The following SLC20A2 variants were observed in gnomAD, a reference collection of about 807,000 sequenced individuals.
SLC20A2 encodes sodium-dependent phosphate transporter 2.
A neutral mutation model predicts 61.0 loss-of-function variants in SLC20A2; 30 were observed. The ratio of observed to expected loss-of-function variants is 0.49; its 90% CI spans 0.37 to 0.67. The LOEUF is 0.67. SLC20A2 is among the 30% of genes least tolerant of loss of function. The pLI, the probability that SLC20A2 is intolerant of heterozygous loss-of-function variation, is 0.00. For missense variants in SLC20A2, 626 were observed against 866.4 expected, an observed-to-expected ratio of 0.72 and a Z score of 3.48; for synonymous variants, 351 against 353.3, an observed-to-expected ratio of 0.99 and a Z score of 0.07.
chr8:42,485,378 A>T (rs896334456), intron 1 of SLC20A2, among the ~76,000 whole-genome samples: 1 of 152,088 alleles, frequency 6.6e-6, no homozygotes, highest in South Asian at 2.1e-4. Context: ...GCGGTGGCTC[A>T]CGCCTGTAAT....
At chr8:42,456,224 G>A (rs1046311296) in intron 5 of SLC20A2, among the ~76,000 whole-genome samples, 3 of 152,156 alleles carry the variant, frequency 2.0e-5, no homozygotes, top group Admixed American at 2.0e-4. Context: ...GAAGAACCAG[G>A]AAGCAAGAAG....
Position 42,522,314 on chromosome 8 carries a change from A to C in SLC20A2, c.-265+19507T>G, listed in dbSNP as rs966986202. Among the ~76,000 whole-genome samples, 74 of 122,342 alleles carry C rather than the reference A, an allele frequency of 6.0e-4. 9 individuals carry two copies. The highest frequency in any genetic ancestry group is 1.6e-3 in the African/African-American group (65 of 39,748). 80.3% of individuals were successfully genotyped at this position (122,342 alleles called of 152,430 possible). On this transcript the variant is annotated intron_variant, in intron 1 of 10. Transcript: ENST00000342228. ...ATGGAGAAGACAAGAAATTCATTCA[A>C]CTTCAGCTGGTAAATAGCCAAGGTG... is the stretch of plus-strand genomic sequence containing the variant.
At chr8:42,528,907 T>TC (rs1473477701) in intron 1 of SLC20A2, among the ~76,000 whole-genome samples, 6 of 151,882 alleles carry the variant, frequency 4.0e-5, no homozygotes, top group South Asian at 2.1e-4. Flanking sequence ...TCTCGGGTGA[T>TC]CCCCCCGCCT....
chr8:42,445,203 A>AT (rs1805117050), intron 5 of SLC20A2, among the ~76,000 whole-genome samples: 1 of 152,072 alleles, frequency 6.6e-6, no homozygotes, highest in African/African-American at 2.4e-5. Flanking sequence ...GAGGCGGGAG[A>AT]TTCGTTCGAA....
intron 1 of SLC20A2, among the ~76,000 whole-genome samples, chr8:42,536,180 T>G (rs779556065): frequency 4.6e-5 from 7 of 152,234 alleles, no homozygotes; most frequent in Non-Finnish European, 8.8e-5. Context: ...CAATATTCAT[T>G]ATTACAAGTT....
At chr8:42,483,611 A>C (rs1250010082) in intron 1 of SLC20A2, among the ~76,000 whole-genome samples, 1 of 152,228 alleles carries the variant, frequency 6.6e-6, no homozygotes, top group East Asian at 1.9e-4. Flanking sequence ...AAGACTCTTC[A>C]ACATTTTCTC....
chr8:42,468,808 G>C (rs1317456330), intron 2 of SLC20A2, among the ~76,000 whole-genome samples: 1 of 152,154 alleles, frequency 6.6e-6, no homozygotes, highest in Non-Finnish European at 1.5e-5. Flanking sequence ...TGCTTCTTAA[G>C]GGTTTCGAGG....
At chr8:42,505,593 C>A (rs1810632539), upstream of SLC20A2, among the ~76,000 whole-genome samples, 1 of 152,114 alleles carries the variant, frequency 6.6e-6, no homozygotes, top group African/African-American at 2.4e-5. Context: ...CTGGAAATAG[C>A]AGTGAAGTTT....
rs375338138 is a variant in SLC20A2 at position 42,459,906 on chromosome 8, T to C, written c.603A>G (p.Thr201=). The change falls in exon 5 of 11, where the codon ACA becomes ACG. Residue 201 remains threonine, a synonymous_variant. Coordinates refer to ENST00000520262, the MANE Select transcript of SLC20A2 (RefSeq NM_001257180.2). ...CCAAGGGATCCTTACCTGGTGCTCC[T>C]GTGTACATGATGGAAAAGACATTGA... ...IAINVFSIMY[T]GAPVLGLVLP... The C allele has an allele frequency of 1.2e-6, 2 of 1,611,164 alleles. No homozygotes were observed. Among genetic ancestry groups the C allele is most frequent in the Non-Finnish European group, 1.7e-6 (2 of 1,177,932 alleles).
intron 2 of SLC20A2, among the ~76,000 whole-genome samples, chr8:42,471,728 C>T (rs1467627233): frequency 1.3e-5 from 2 of 152,138 alleles, no homozygotes; most frequent in Non-Finnish European, 2.9e-5. Context: ...TCTAAATCAA[C>T]CTTCCTGGAA....
At position 42,417,653 on chromosome 8, in the gene SLC20A2, T is replaced by C; in HGVS notation, c.*150A>G. The C allele has an allele frequency of 1.3e-6, 1 of 748,184 alleles. No individual in the cohort carries two copies. Among genetic ancestry groups the C allele is most frequent in the South Asian group, 1.8e-5 (1 of 55,530 alleles). 46.3% of individuals were successfully genotyped at this position (748,184 alleles called of 1,614,324 possible). On this transcript the variant is annotated 3_prime_UTR_variant, in exon 11 of 11. Transcript: ENST00000520262. ...GTCTCCGCAGCCTGGGTGAACAGTG[T>C]GGGATGGAGCCTCCTGGAAGGGAGG...
At chr8:42,523,522 A>AC (rs772675896) in intron 1 of SLC20A2, among the ~76,000 whole-genome samples, 18 of 152,296 alleles carry the variant, frequency 1.2e-4, no homozygotes, top group Non-Finnish European at 2.2e-4. Context: ...ATCAAGTGAA[A>AC]CCCCAAGAAA....
At chr8:42,453,663 C>T (rs1805913264) in intron 5 of SLC20A2, among the ~76,000 whole-genome samples, 1 of 152,166 alleles carries the variant, frequency 6.6e-6, no homozygotes, top group Middle Eastern at 3.2e-3. Context: ...ACTGGACATT[C>T]TAGAAACATT....
chr8:42,526,196 C>T (rs1811923280), intron 1 of SLC20A2, among the ~76,000 whole-genome samples: 1 of 152,104 alleles, frequency 6.6e-6, no homozygotes, highest in Non-Finnish European at 1.5e-5. Flanking sequence ...CTGTATATAC[C>T]TCTGAAATGA....
At chr8:42,510,935 T>C (rs1810998070) in intron 1 of SLC20A2, among the ~76,000 whole-genome samples, 1 of 151,972 alleles carries the variant, frequency 6.6e-6, no homozygotes, top group Non-Finnish European at 1.5e-5. Flanking sequence ...ATGTAAGCTA[T>C]ATAAAGTAAT....
intron 1 of SLC20A2, among the ~76,000 whole-genome samples, chr8:42,479,794 T>C (rs1157181241): frequency 2.0e-5 from 3 of 152,046 alleles, no homozygotes; most frequent in Non-Finnish European, 4.4e-5. Flanking sequence ...CACTGCACTC[T>C]AGCCTGGGTG....
chr8:42,515,397 A>G (rs576755134), intron 1 of SLC20A2, among the ~76,000 whole-genome samples: 1 of 152,320 alleles, frequency 6.6e-6, no homozygotes, highest in South Asian at 2.1e-4. Context: ...CATACAGATG[A>G]CAGTATCTGT....
At chr8:42,463,624 C>T (rs1295113760) in intron 3 of SLC20A2, among the ~76,000 whole-genome samples, 1 of 152,100 alleles carries the variant, frequency 6.6e-6, no homozygotes, top group Non-Finnish European at 1.5e-5. Context: ...TTCAAAAACT[C>T]GTTTGGCCCT....
At chr8:42,527,629 G>A (rs867388718) in intron 1 of SLC20A2, among the ~76,000 whole-genome samples, 3 of 151,904 alleles carry the variant, frequency 2.0e-5, no homozygotes, top group Non-Finnish European at 2.9e-5. Context: ...TTAGCCAGGC[G>A]TGGTGGCGCA....
Sources: allele counts gnomAD v4.1 joint callset (sites outside exome capture counted in the v4.1 genomes callset), GRCh38; gene constraint gnomAD v4.1.1; transcripts MANE v1.5; gene names NCBI Gene and HGNC (gene_info 2026-07-23, HGNC 2026-07-21).